The following PDE4D variants were observed in gnomAD, a reference collection of about 807,000 sequenced individuals.
PDE4D encodes the protein 3',5'-cyclic-AMP phosphodiesterase 4D.
PDE4D carries 24 observed loss-of-function variants against 87.4 expected under a neutral mutation model. That is an observed-to-expected ratio of 0.27 (90% confidence interval 0.20 to 0.39). PDE4D has a LOEUF of 0.39. PDE4D is among the 10% of genes least tolerant of loss of function. The pLI, the probability that PDE4D is intolerant of heterozygous loss-of-function variation, is 1.00. For missense variants in PDE4D, 714 were observed against 1,041.0 expected (o/e 0.69, Z 4.32); for synonymous variants, 384 against 383.2 (o/e 1.00, Z -0.02).
chr5:60,141,128 C>G (rs1250481394), intron 2 of PDE4D, among the ~76,000 whole-genome samples: 2 of 152,080 alleles, frequency 1.3e-5, no homozygotes, highest in Admixed American at 6.6e-5. Flanking sequence ...AAATTGGCCC[C>G]CCTATTTCAA....
intron 1 of PDE4D, among the ~76,000 whole-genome samples, chr5:59,382,207 A>G (rs1183706082): frequency 6.6e-6 from 1 of 152,198 alleles, no homozygotes; most frequent in Non-Finnish European, 1.5e-5. Flanking sequence ...GATTTACCAT[A>G]TGGAATCACA....
At chr5:59,687,287 A>G (rs1250887471) in intron 1 of PDE4D, among the ~76,000 whole-genome samples, 1 of 152,170 alleles carries the variant, frequency 6.6e-6, no homozygotes, top group Non-Finnish European at 1.5e-5. Context: ...CAGATTCACT[A>G]AAGTTGAAAT....
intron 2 of PDE4D, among the ~76,000 whole-genome samples, chr5:60,048,455 T>C (rs1022037721): frequency 6.6e-6 from 1 of 152,348 alleles, no homozygotes; most frequent in Non-Finnish European, 1.5e-5. Flanking sequence ...AGTTTCTTCC[T>C]AGTCTCGATG....
chr5:59,166,068 A>C (rs1267251263), intron 5 of PDE4D, among the ~76,000 whole-genome samples: 1 of 152,102 alleles, frequency 6.6e-6, no homozygotes, highest in Non-Finnish European at 1.5e-5. Flanking sequence ...AATTCTTCCT[A>C]TATTCTTCCA....
At chr5:59,347,185 C>T (rs2153584725) in intron 1 of PDE4D, among the ~76,000 whole-genome samples, 1 of 152,240 alleles carries the variant, frequency 6.6e-6, no homozygotes, top group Non-Finnish European at 1.5e-5. Context: ...AAGAAAAATT[C>T]CTGAAAATCA....
chr5:59,185,530 C>T (rs1742702252), intron 3 of PDE4D, among the ~76,000 whole-genome samples: 1 of 152,108 alleles, frequency 6.6e-6, no homozygotes, highest in Non-Finnish European at 1.5e-5. Flanking sequence ...GTTCCTTAGT[C>T]ACCAAGACAA....
intron 13 of PDE4D, 82 bp downstream of exon 13, chr5:58,976,268 C>T (rs1743759407): frequency 4.3e-6 from 6 of 1,406,984 alleles, no homozygotes; most frequent in Non-Finnish European, 4.8e-6. Flanking sequence ...GGAAGAAATA[C>T]ATCTTATCAA....
intron 1 of PDE4D, among the ~76,000 whole-genome samples, chr5:59,518,605 A>T (rs975742863): frequency 3.3e-5 from 5 of 152,150 alleles, no homozygotes; most frequent in Non-Finnish European, 5.9e-5. Flanking sequence ...GGAGTCGAAT[A>T]AACAACAGGA....
At chr5:60,044,655 A>G (rs1475021464) in intron 2 of PDE4D, among the ~76,000 whole-genome samples, 1 of 152,178 alleles carries the variant, frequency 6.6e-6, no homozygotes, top group Non-Finnish European at 1.5e-5. Context: ...GAGAATGATG[A>G]TTTCCAATTT....
At chr5:59,801,037 A>G (rs949637019) in intron 1 of PDE4D, among the ~76,000 whole-genome samples, 9 of 152,206 alleles carry the variant, frequency 5.9e-5, no homozygotes, top group Admixed American at 5.2e-4. Flanking sequence ...CCTGAGACAA[A>G]TATCTTTGAT....
At chr5:59,196,786 G>T (rs529540746) in intron 2 of PDE4D, among the ~76,000 whole-genome samples, 1 of 152,182 alleles carries the variant, frequency 6.6e-6, no homozygotes, top group South Asian at 2.1e-4. Context: ...TTGCATTCAA[G>T]ATAGTTCAAT....
intron 2 of PDE4D, among the ~76,000 whole-genome samples, chr5:60,162,573 C>A (rs1782551268): frequency 6.6e-6 from 1 of 152,098 alleles, no homozygotes; most frequent in Non-Finnish European, 1.5e-5. Context: ...CAGCATTAGT[C>A]AGTGTGGCCT....
intron 1 of PDE4D, among the ~76,000 whole-genome samples, chr5:59,414,130 A>T (rs748517057): frequency 3.3e-5 from 5 of 152,242 alleles, no homozygotes; most frequent in Admixed American, 6.5e-5. Context: ...AAAGTAACAG[A>T]GTTCACGTGC....
At chr5:59,574,778 C>T (rs1822854837) in intron 1 of PDE4D, among the ~76,000 whole-genome samples, 1 of 152,264 alleles carries the variant, frequency 6.6e-6, no homozygotes, top group African/African-American at 2.4e-5. Flanking sequence ...TAATGACATT[C>T]TCCAATCCTC....
intron 1 of PDE4D, among the ~76,000 whole-genome samples, chr5:59,431,950 A>G (rs1796170107): frequency 6.6e-6 from 1 of 152,114 alleles, no homozygotes; most frequent in South Asian, 2.1e-4. Context: ...CCTGCAAAAG[A>G]CACGCTCTCA....
chr5:60,457,600 G>A (rs1583828310), intron 1 of PDE4D, among the ~76,000 whole-genome samples: 1 of 152,116 alleles, frequency 6.6e-6, no homozygotes, highest in Non-Finnish European at 1.5e-5. Flanking sequence ...TTTCATTTCA[G>A]TTTTTCCAGC....
At chr5:59,381,253 T>A (rs1785775367) in intron 1 of PDE4D, among the ~76,000 whole-genome samples, 1 of 152,166 alleles carries the variant, frequency 6.6e-6, no homozygotes, top group African/African-American at 2.4e-5. Flanking sequence ...TAATATTTAC[T>A]TAGCTTGATA....
At chr5:59,144,853 C>A (rs1485040673) in intron 5 of PDE4D, among the ~76,000 whole-genome samples, 1 of 121,030 alleles carries the variant, frequency 8.3e-6, no homozygotes, top group Non-Finnish European at 1.6e-5. Context: ...CTCTGGATTT[C>A]CCTTTTAGAG....
chr5:60,222,711 T>G (rs1744640703), intron 1 of PDE4D, among the ~76,000 whole-genome samples: 1 of 152,148 alleles, frequency 6.6e-6, no homozygotes, highest in South Asian at 2.1e-4. Flanking sequence ...AGGTTTAAAT[T>G]TATATCTCTC....
Sources: gnomAD v4.1 joint callset for allele counts (sites outside exome capture counted in the v4.1 genomes callset) on GRCh38, gnomAD v4.1.1 for gene constraint, MANE v1.5 for transcripts, NCBI Gene and HGNC (gene_info 2026-07-23, HGNC 2026-07-21) for gene names.